IL1RAPL2: variants seen among roughly 807,000 people sequenced by gnomAD.
The protein encoded by IL1RAPL2 is X-linked interleukin-1 receptor accessory protein-like 2.
IL1RAPL2 carries 3 observed loss-of-function variants against 44.1 expected under a neutral mutation model. The observed-to-expected ratio is 0.07, with a 90% CI of 0.03 to 0.18. The LOEUF is 0.18. Ranked by LOEUF, IL1RAPL2 falls within the 10% of genes least tolerant of loss-of-function variation. IL1RAPL2 has a pLI of 1.00. For missense variants in IL1RAPL2, 391 were observed against 496.4 expected, an observed-to-expected ratio of 0.79 and a Z score of 2.02; for synonymous variants, 181 against 178.8, an observed-to-expected ratio of 1.01 and a Z score of -0.10.
intron 2 of IL1RAPL2, among the ~76,000 whole-genome samples, chrX:104,754,203 C>T (rs1369061163): frequency 9.0e-6 from 1 of 110,931 alleles, no homozygotes; most frequent in Non-Finnish European, 1.9e-5. Flanking sequence ...TTCCAAGGAG[C>T]CAGTTAATTA....
chrX:105,696,565 C>T (rs1234044844), intron 6 of IL1RAPL2, among the ~76,000 whole-genome samples: 3 of 111,414 alleles, frequency 2.7e-5, no homozygotes, highest in African/African-American at 6.5e-5. Flanking sequence ...GTAATAAAAT[C>T]GAGGGACTAG....
chrX:104,658,339 A>G (rs760848996), intron 1 of IL1RAPL2, among the ~76,000 whole-genome samples: 1 of 111,995 alleles, frequency 8.9e-6, no homozygotes, highest in Non-Finnish European at 1.9e-5. Context: ...GCTGGAAACC[A>G]TCATTCTGAG....
chrX:105,620,785 A>G (rs2147830974), intron 6 of IL1RAPL2, among the ~76,000 whole-genome samples: 1 of 111,704 alleles, frequency 9.0e-6, no homozygotes, highest in South Asian at 3.7e-4. Context: ...GTTCAAGGTG[A>G]TTATTAAAAA....
At chrX:104,646,596 T>A (rs761078305) in intron 1 of IL1RAPL2, among the ~76,000 whole-genome samples, 94 of 112,275 alleles carry the variant, frequency 8.4e-4, no homozygotes, top group Non-Finnish European at 1.5e-3. Flanking sequence ...TGGTGGTTTG[T>A]AAAAACAAAG....
chrX:105,670,133 A>ACCAGG (rs2037807922), intron 6 of IL1RAPL2, among the ~76,000 whole-genome samples: 1 of 49,348 alleles, frequency 2.0e-5, no homozygotes, highest in Non-Finnish European at 4.0e-5. Flanking sequence ...ATATATATAT[A>ACCAGG]TATATATATA....
chrX:104,606,989 T>C (rs1257162401), intron 1 of IL1RAPL2, among the ~76,000 whole-genome samples: 1 of 111,814 alleles, frequency 8.9e-6, no homozygotes, highest in African/African-American at 3.3e-5. Flanking sequence ...CTTCAAACTA[T>C]ACTACAAAGC....
intron 5 of IL1RAPL2, among the ~76,000 whole-genome samples, chrX:105,355,642 G>A (rs915123317): frequency 6.2e-4 from 69 of 111,292 alleles, no homozygotes; most frequent in Non-Finnish European, 9.4e-4. Context: ...CACATAGTAG[G>A]TACTCAATAA....
intron 2 of IL1RAPL2, among the ~76,000 whole-genome samples, chrX:104,768,953 T>C (rs754747344): frequency 6.7e-4 from 74 of 111,154 alleles, no homozygotes; most frequent in Non-Finnish European, 1.2e-3. Flanking sequence ...TGTGGTATAG[T>C]AGAAAAAGTA....
At position 105,422,527 on chromosome X, in the gene IL1RAPL2, A is replaced by G; in HGVS notation, c.698-61786A>G. On this transcript the variant is annotated intron_variant, in intron 5 of 10. Transcript: ENST00000372582. The stretch of plus-strand genomic sequence containing the variant: ...TGTTATTTCACTTGTGCAAATAACA[A>G]ATATTAAGAATACTCATAAATAGCT... 3.6e-5 allele frequency among the ~76,000 whole-genome samples: 4 copies of G among 112,291 alleles called. No individual in the cohort carries two copies. In the Middle Eastern group the frequency reaches 0.014, roughly 386 times the overall value.
At chrX:105,333,699 G>T (rs933733643) in intron 5 of IL1RAPL2, among the ~76,000 whole-genome samples, 10 of 111,175 alleles carry the variant, frequency 9.0e-5, no homozygotes, top group Non-Finnish European at 1.3e-4. Context: ...TAAAAAATGG[G>T]CAAAAATATT....
At chrX:104,640,691 G>C (rs1022721273) in intron 1 of IL1RAPL2, among the ~76,000 whole-genome samples, 4 of 112,001 alleles carry the variant, frequency 3.6e-5, no homozygotes, top group African/African-American at 1.3e-4. Context: ...TGCTGGTTGG[G>C]GAGGACTCTT....
chrX:104,764,193 C>G (rs1932515181), intron 2 of IL1RAPL2, among the ~76,000 whole-genome samples: 1 of 88,739 alleles, frequency 1.1e-5, no homozygotes, highest in African/African-American at 3.7e-5. Context: ...AATCTATGAA[C>G]ATGGAATTTT....
chrX:104,914,579 A>G (rs896472642), intron 2 of IL1RAPL2, among the ~76,000 whole-genome samples: 2 of 111,527 alleles, frequency 1.8e-5, no homozygotes, highest in Admixed American at 1.9e-4. Flanking sequence ...TTTTATTATT[A>G]TTATATTTTA....
chrX:104,664,823 C>A (rs1412109213), intron 2 of IL1RAPL2, among the ~76,000 whole-genome samples: 2 of 111,241 alleles, frequency 1.8e-5, no homozygotes, highest in East Asian at 5.7e-4. Flanking sequence ...TTTGTATTTC[C>A]TTTTTCCACA....
intron 5 of IL1RAPL2, among the ~76,000 whole-genome samples, chrX:105,271,832 T>C (rs1218427198): frequency 9.3e-6 from 1 of 108,069 alleles, no homozygotes; most frequent in Non-Finnish European, 1.9e-5. Flanking sequence ...ATGATTTGGC[T>C]CTCTGTTTGT....
intron 2 of IL1RAPL2, among the ~76,000 whole-genome samples, chrX:105,034,941 C>T (rs866871502): frequency 4.2e-4 from 36 of 85,008 alleles, no homozygotes; most frequent in South Asian, 2.1e-3. Flanking sequence ...CTGGGCAATG[C>T]GGGCGCCCCT....
intron 1 of IL1RAPL2, among the ~76,000 whole-genome samples, chrX:104,595,668 C>T (rs1450238062): frequency 2.7e-5 from 3 of 111,826 alleles, no homozygotes; most frequent in Non-Finnish European, 3.8e-5. Context: ...ATTCAGGAAG[C>T]TATGAGAATA....
intron 2 of IL1RAPL2, among the ~76,000 whole-genome samples, chrX:105,088,316 A>C (rs1426462069): frequency 8.9e-6 from 1 of 112,041 alleles, no homozygotes; most frequent in Non-Finnish European, 1.9e-5. Flanking sequence ...AATTGTAATC[A>C]CTATAATAAT....
chrX:104,749,761 G>A (rs1159610360), intron 2 of IL1RAPL2, among the ~76,000 whole-genome samples: 1 of 111,627 alleles, frequency 9.0e-6, no homozygotes, highest in African/African-American at 3.3e-5. Flanking sequence ...AGTAGTTCCT[G>A]CCTTTGATGA....
Sources: allele counts gnomAD v4.1 joint callset (sites outside exome capture counted in the v4.1 genomes callset), GRCh38; gene constraint gnomAD v4.1.1; transcripts MANE v1.5; gene names NCBI Gene and HGNC (gene_info 2026-07-23, HGNC 2026-07-21).